Variants in PRIMPOL observed in about 807,000 individuals in gnomAD.
The protein encoded by PRIMPOL is DNA-directed primase/polymerase protein.
PRIMPOL carries 54 observed loss-of-function variants against 63.6 expected under a neutral mutation model. The observed-to-expected ratio is 0.85, with a 90% CI of 0.68 to 1.07. PRIMPOL has a LOEUF of 1.07. Among genes scored for constraint, PRIMPOL ranks in the 50% least tolerant of loss-of-function variants. The pLI is 0.00. For synonymous variants in PRIMPOL, 197 were observed against 220.2 expected (o/e 0.89, Z 0.93); for missense variants, 610 against 648.3 (o/e 0.94, Z 0.64).
chr4:184,690,874 A>T (rs925090493), intron 11 of PRIMPOL, among the ~76,000 whole-genome samples: 2 of 152,178 alleles, frequency 1.3e-5, no homozygotes, highest in African/African-American at 4.8e-5. Context: ...TTTTTCCTTG[A>T]ACCATTGGTT....
intron 6 of PRIMPOL, among the ~76,000 whole-genome samples, chr4:184,668,943 G>A (rs1750817672): frequency 6.6e-6 from 1 of 151,844 alleles, no homozygotes. Context: ...CAAGTCGGCA[G>A]CCTCATCTCC....
intron 4 of PRIMPOL, among the ~76,000 whole-genome samples, chr4:184,660,558 A>G (rs1376276242): frequency 6.6e-6 from 1 of 152,194 alleles, no homozygotes; most frequent in African/African-American, 2.4e-5. Context: ...ATTGATTTAG[A>G]ATACTTTTAT....
chr4:184,685,686 T>C lies in PRIMPOL; in HGVS notation c.1295+2T>C. 7.8e-7 allele frequency: 1 copy of C among 1,284,864 alleles called. No individual in the cohort carries two copies. Among genetic ancestry groups the C allele is most frequent in the Non-Finnish European group, 1.1e-6 (1 of 899,550 alleles). 79.6% of individuals were successfully genotyped at this position (1,284,864 alleles called of 1,614,324 possible). A position where few individuals can be genotyped will look rare whatever the true frequency, so the allele number is the denominator to read the frequency against. On this transcript the variant is annotated splice_donor_variant, in intron 11 of 13. Transcript: ENST00000314970. LOFTEE classifies it high-confidence loss of function. Reference sequence around the variant, plus strand: ...AGCCCATAAGAGTAATAATATAATGTAAGTAATATTAATGATTTGTGTGTA... The same window carrying C: ...AGCCCATAAGAGTAATAATATAATGCAAGTAATATTAATGATTTGTGTGTA...
chr4:184,664,272 C>T (rs1401520237), intron 5 of PRIMPOL, among the ~76,000 whole-genome samples: 3 of 152,194 alleles, frequency 2.0e-5, no homozygotes, highest in African/African-American at 7.2e-5. Flanking sequence ...TTTTTAGTCC[C>T]TACTAAGTGT....
At chr4:184,694,154 C>A (rs1172085390) in intron 13 of PRIMPOL, 1 of 890,014 alleles carries the variant, frequency 1.1e-6, no homozygotes, top group Non-Finnish European at 1.4e-6. Flanking sequence ...AAATTTAAAG[C>A]ATGGGTACTA....
At chr4:184,680,865 G>A (rs759264696) in intron 8 of PRIMPOL, among the ~76,000 whole-genome samples, 86 of 152,126 alleles carry the variant, frequency 5.7e-4, no homozygotes, top group Non-Finnish European at 7.8e-4. Context: ...GCAAAGTGCC[G>A]TAGCAGGAGT....
chr4:184,672,528 C>A, intron 7 of PRIMPOL, 68 bp downstream of exon 7: 1 of 1,444,142 alleles, frequency 6.9e-7, no homozygotes. Flanking sequence ...GGTTGGTGCC[C>A]ACTCGTCACC....
Position 184,672,398 on chromosome 4 carries a change from C to A in PRIMPOL, c.782C>A (p.Pro261His). 6.2e-7 allele frequency: 1 copy of A among 1,613,542 alleles called. No homozygotes were observed. The highest frequency in any genetic ancestry group is 8.5e-7 in the Non-Finnish European group (1 of 1,179,906). ...CTGGGGTCAGCTGAGCAAAGCAGTCCTGACCTTTCATTTCTAGTTGTGAAG... is the reference window on the plus strand; with the variant it reads ...CTGGGGTCAGCTGAGCAAAGCAGTCATGACCTTTCATTTCTAGTTGTGAAG... ...ERLGSAEQSSPDLSFLVVKNN... is the reference protein window; with the variant it reads ...ERLGSAEQSSHDLSFLVVKNN... The change falls in exon 7 of 14, where the codon CCT (proline) becomes CAT (histidine). Residue 261 changes from proline to histidine, a missense_variant. By Grantham distance (77) the Pro-to-His change is moderately conservative. Around this residue, in one of 3 missense-constraint regions of PRIMPOL, gnomAD observed 444 missense variants for 456.4 expected, o/e 0.97. Transcript: ENST00000314970.
At chr4:184,679,026 A>G (rs115533876) in intron 8 of PRIMPOL, among the ~76,000 whole-genome samples, 4,410 of 152,250 alleles carry the variant, frequency 0.029, 219 homozygotes, top group African/African-American at 0.1. Flanking sequence ...GAAATATTTT[A>G]CTATTAAAAT....
At chr4:184,682,840 A>C (rs114947064) in intron 9 of PRIMPOL, among the ~76,000 whole-genome samples, 4,370 of 152,018 alleles carry the variant, frequency 0.029, 210 homozygotes, top group African/African-American at 0.1. Flanking sequence ...ACTTGAGCCC[A>C]GGAGTTAGAG....
At chr4:184,677,517 T>C (rs1754409128) in intron 7 of PRIMPOL, among the ~76,000 whole-genome samples, 1 of 66,360 alleles carries the variant, frequency 1.5e-5, no homozygotes, top group African/African-American at 3.8e-5. Flanking sequence ...GTTTTATATA[T>C]TAGATAGGCA....
chr4:184,653,877 T>C (rs1745451065), intron 2 of PRIMPOL, among the ~76,000 whole-genome samples: 1 of 152,244 alleles, frequency 6.6e-6, no homozygotes, highest in Non-Finnish European at 1.5e-5. Flanking sequence ...CCAGATGCCT[T>C]ACTGTTCTCC....
chr4:184,686,844 C>T (rs993992649), intron 11 of PRIMPOL, among the ~76,000 whole-genome samples: 2 of 152,124 alleles, frequency 1.3e-5, no homozygotes, highest in African/African-American at 4.8e-5. Context: ...AAACTATATG[C>T]TCAATACACA....
At chr4:184,694,453 G>T in intron 13 of PRIMPOL, 69 bp from the exon 14 acceptor site, 1 of 1,547,630 alleles carries the variant, frequency 6.5e-7, no homozygotes. Context: ...TAGAGTATAA[G>T]GTTAAATCAC....
intron 2 of PRIMPOL, among the ~76,000 whole-genome samples, chr4:184,655,322 ATCT>A (rs1746056810): frequency 7.2e-6 from 1 of 139,792 alleles, no homozygotes; most frequent in Non-Finnish European, 1.5e-5. Flanking sequence ...CCCTCTCGTA[ATCT>A]TTTTTTTTTT....
chr4:184,685,346 A>G, intron 9 of PRIMPOL, 63 bp from the exon 10 acceptor site: 1 of 1,214,568 alleles, frequency 8.2e-7, no homozygotes. Flanking sequence ...AACAACATTT[A>G]ATCAAAATTT....
chr4:184,688,540 C>T (rs555160629), intron 11 of PRIMPOL, among the ~76,000 whole-genome samples: 60 of 152,266 alleles, frequency 3.9e-4, no homozygotes, highest in African/African-American at 1.3e-3. Flanking sequence ...GAGTGAGGCC[C>T]GGGGCATCTG....
In PRIMPOL at chr4:184,657,187, C is replaced by T. The variant is rs1395913169; in HGVS notation, c.47C>T (p.Ala16Val). 1.2e-6 allele frequency: 2 copies of T among 1,611,120 alleles called. No homozygotes were observed. Among genetic ancestry groups the T allele is most frequent in the Admixed American group, 3.4e-5 (2 of 59,464 alleles). The change falls in exon 3 of 14, where the codon GCA becomes GTA. Residue 16 changes from alanine (A) to valine (V), a missense_variant. Coordinates refer to ENST00000314970, the MANE Select transcript of PRIMPOL (RefSeq NM_152683.4). ...EAKLKQIEER[A>V]SHYERKPLSS... ...AAACTGAAGCAAATTGAAGAACGAG[C>T]ATCTCATTATGAGAGGAAACCGTTG...
intron 5 of PRIMPOL, among the ~76,000 whole-genome samples, chr4:184,663,853 A>G (rs755641377): frequency 2.7e-4 from 41 of 152,242 alleles, no homozygotes; most frequent in Non-Finnish European, 5.3e-4. Flanking sequence ...CAATAAGTTT[A>G]TAATCCAGTA....
Sources: allele counts gnomAD v4.1 joint callset (sites outside exome capture counted in the v4.1 genomes callset), GRCh38; gene constraint gnomAD v4.1.1; regional missense constraint gnomAD v4.1.1; transcripts MANE v1.5; gene names NCBI Gene and HGNC (gene_info 2026-07-23, HGNC 2026-07-21).